The following MATR3 variants were observed in gnomAD, a reference collection of about 807,000 sequenced individuals.
The protein encoded by MATR3 is matrin 3.
Under a neutral mutation model 85.5 loss-of-function variants are expected in MATR3, and 4 were observed. That is an observed-to-expected ratio of 0.05 (90% CI 0.02 to 0.11). The LOEUF (loss-of-function observed/expected upper bound fraction) is 0.11. MATR3 is among the 10% of genes least tolerant of loss of function. MATR3 has a pLI of 1.00. For missense variants in MATR3, 685 were observed against 1,016.1 expected (o/e 0.67, Z 4.43); for synonymous variants, 336 against 343.1 (o/e 0.98, Z 0.23).
Position 139,307,165 on chromosome 5 carries a change from A to T in MATR3, c.-177-74A>T. Reference sequence around the variant, plus strand: ...TTTTTTTTTTAAATCAACATGATGCATAAGTTTTTTTTTCTTAAAAAAACG... The same window carrying T: ...TTTTTTTTTTAAATCAACATGATGCTTAAGTTTTTTTTTCTTAAAAAAACG... On this transcript the variant is annotated intron_variant, in intron 1 of 14. Coordinates refer to ENST00000394805, the MANE Select transcript of MATR3 (RefSeq NM_018834.6). This position sits in a 1 kb window ranked among gnomAD's most constrained non-coding sequence, Gnocchi z 4.4. 1 of 1,084,886 alleles carries T rather than the reference A, an allele frequency of 9.2e-7. No homozygotes were observed. Among genetic ancestry groups the T allele is most frequent in the Non-Finnish European group, 1.2e-6 (1 of 869,118 alleles). 67.2% of individuals were successfully genotyped at this position (1,084,886 alleles called of 1,614,324 possible).
chr5:139,319,378 G>C lies in MATR3; in HGVS notation c.1479G>C (p.Glu493Asp). The C allele has an allele frequency of 1.2e-6, 2 of 1,614,156 alleles. No individual in the cohort carries two copies. The highest frequency in any genetic ancestry group is 8.5e-7 in the Non-Finnish European group (1 of 1,180,028). Residue 493 changes from glutamate (E) to aspartate (D), a missense_variant, in exon 9 of 15, where the codon GAG becomes GAC. Physicochemically the swap from Glu to Asp is conservative, Grantham distance 45. Around this residue, in one of 9 missense-constraint regions of MATR3, gnomAD observed 30 missense variants for 23.9 expected, o/e 1.25. Coordinates refer to ENST00000394805, the MANE Select transcript of MATR3 (RefSeq NM_018834.6). ...KPDQKFDQKQ[E>D]LGRVIHLSNL... is the part of the protein sequence containing the mutation. ...ATCAGAAGTTTGATCAAAAGCAAGA[G>C]CTTGGACGTGTGATACATCTCAGCA...
At chr5:139,298,473 G>A (rs1288599575) in intron 1 of MATR3, among the ~76,000 whole-genome samples, 1 of 152,204 alleles carries the variant, frequency 6.6e-6, no homozygotes, top group Non-Finnish European at 1.5e-5. Context: ...TGGAGACGCT[G>A]AAGCAGAATT....
intron 2 of MATR3, chr5:139,278,704 A>G (rs1016723720): frequency 2.2e-6 from 1 of 461,212 alleles, no homozygotes; most frequent in African/African-American, 2.0e-5. Flanking sequence ...TTTGCAGTCA[A>G]TATTCAACTG....
At chr5:139,294,201 G>A (rs549735583) in intron 1 of MATR3, 2 of 541,166 alleles carry the variant, frequency 3.7e-6, no homozygotes, top group African/African-American at 3.9e-5. Context: ...GAGGGGGAGG[G>A]AGGAGCTCGC....
At chr5:139,290,018 A>G (rs1318711269), upstream of MATR3, among the ~76,000 whole-genome samples, 1 of 152,156 alleles carries the variant, frequency 6.6e-6, no homozygotes, top group African/African-American at 2.4e-5. Flanking sequence ...TTTTCAAGGC[A>G]ACACAATTTC....
At chr5:139,306,120 A>G (rs931790912) in intron 1 of MATR3, among the ~76,000 whole-genome samples, 1 of 152,196 alleles carries the variant, frequency 6.6e-6, no homozygotes, top group African/African-American at 2.4e-5. Context: ...TGTGATTATA[A>G]AATTGTTTCA....
chr5:139,330,957 G>A lies in MATR3; in HGVS notation c.*1562G>A, dbSNP rs1756114910. ...AGGCTCATGCCACTATACCTGGCTA[G>A]TTTTTGGTTTTTTTGTATAGATGGG... On this transcript the variant is annotated 3_prime_UTR_variant, in exon 15 of 15. Transcript: ENST00000394805. 2.2e-6 allele frequency: 1 copy of A among 453,906 alleles called. No individual in the cohort carries two copies. Among genetic ancestry groups the A allele is most frequent in the Non-Finnish European group, 4.4e-6 (1 of 226,772 alleles). 28.1% of individuals were successfully genotyped at this position (453,906 alleles called of 1,614,324 possible). A position where few individuals can be genotyped will look rare whatever the true frequency, so the allele number is the denominator to read the frequency against.
chr5:139,300,130 C>G (rs1393054559), intron 1 of MATR3, among the ~76,000 whole-genome samples: 1 of 152,186 alleles, frequency 6.6e-6, no homozygotes, highest in East Asian at 1.9e-4. Context: ...TTTGGGAGGC[C>G]AAGGTGGGTG....
intron 7 of MATR3, among the ~76,000 whole-genome samples, chr5:139,318,259 A>G (rs984859702): frequency 4.6e-5 from 7 of 151,536 alleles, no homozygotes; most frequent in African/African-American, 1.7e-4. Flanking sequence ...TCAGCCTCCC[A>G]AGTAGCTGGG....
At chr5:139,285,989 C>T (rs1753688757) in intron 3 of MATR3, among the ~76,000 whole-genome samples, 1 of 152,046 alleles carries the variant, frequency 6.6e-6, no homozygotes, top group Non-Finnish European at 1.5e-5. Context: ...GGAAACTTCC[C>T]CAATCTAGAG....
chr5:139,325,809 CTTAA>C (rs1162180696), intron 13 of MATR3, 147 bp downstream of exon 13: 5 of 723,842 alleles, frequency 6.9e-6, no homozygotes, highest in African/African-American at 5.4e-5. Context: ...ATTTATAAAT[CTTAA>C]TTGATATATT....
In MATR3 at chr5:139,319,511, A is replaced by G. The variant is rs747323996; in HGVS notation, c.1602+10A>G. On this transcript the variant is annotated intron_variant, in intron 9 of 14. Coordinates refer to ENST00000394805, the MANE Select transcript of MATR3 (RefSeq NM_018834.6). The stretch of plus-strand genomic sequence containing the variant: ...GAGGATGAAAAGTCAGGTAATATAC[A>G]TAAGGAAGTTTTAGAGAAGATAATT... The G allele has an allele frequency of 1.9e-6, 3 of 1,600,168 alleles. No individual in the cohort carries two copies. The highest frequency in any genetic ancestry group is 4.5e-5 in the East Asian group (2 of 44,814).
In MATR3 at chr5:139,322,476, G is replaced by T. The variant is rs372800555; in HGVS notation, c.1748G>T (p.Gly583Val). 1 of 1,613,932 alleles carries T rather than the reference G, an allele frequency of 6.2e-7. No individual in the cohort carries two copies. The highest frequency in any genetic ancestry group is 8.5e-7 in the Non-Finnish European group (1 of 1,179,914). The change falls in exon 11 of 15, where the codon GGC becomes GTC. Residue 583 changes from glycine to valine, a missense_variant. Physicochemically the swap from Gly to Val is moderately radical, Grantham distance 109. Coordinates refer to ENST00000394805, the MANE Select transcript of MATR3 (RefSeq NM_018834.6). Reference sequence around the variant, plus strand: ...TTTGTCTTTTAGATTCCAAACAGAGGCATTGATTTACTGAAAAAAGATAAA... The same window carrying T: ...TTTGTCTTTTAGATTCCAAACAGAGTCATTGATTTACTGAAAAAAGATAAA... ...KKLVLRIPNR[G>V]IDLLKKDKSR...
intron 14 of MATR3, 149 bp from the exon 15 acceptor site, chr5:139,329,196 C>T (rs1756006306): frequency 4.7e-6 from 3 of 634,630 alleles, no homozygotes; most frequent in Non-Finnish European, 8.6e-6. Context: ...TTTTTGTGTG[C>T]TAATGAGGAT....
chr5:139,274,735 G>GAAGAAC (rs1199733445), intron 1 of MATR3, among the ~76,000 whole-genome samples: 1 of 151,932 alleles, frequency 6.6e-6, no homozygotes, highest in African/African-American at 2.4e-5. Flanking sequence ...AAGAGAAGAA[G>GAAGAAC]ACCATCCTGG....
intron 14 of MATR3, 107 bp downstream of exon 14, chr5:139,326,391 G>C (rs2152024790): frequency 9.9e-7 from 1 of 1,008,364 alleles, no homozygotes; most frequent in East Asian, 2.5e-5. Flanking sequence ...ACTCAGTGCA[G>C]TGCTTTCTCC....
intron 2 of MATR3, among the ~76,000 whole-genome samples, chr5:139,308,618 T>G (rs1391831581): frequency 6.6e-6 from 1 of 151,958 alleles, no homozygotes; most frequent in Non-Finnish European, 1.5e-5. Context: ...TTTAAGCAGG[T>G]TTTTTTTGTC....
Position 139,330,522 on chromosome 5 carries a change from A to G in MATR3, c.*1127A>G. 2.2e-6 allele frequency: 1 copy of G among 454,150 alleles called. No individual in the cohort carries two copies. Among genetic ancestry groups the G allele is most frequent in the Non-Finnish European group, 4.4e-6 (1 of 226,798 alleles). The allele number at this position is 454,150 out of a possible 1,614,324, so 28.1% of individuals were successfully genotyped here. The stretch of plus-strand genomic sequence containing the variant: ...ATTTATTACTTTTAAATCTAGAGTG[A>G]ATTCTAAAGACTGCCGCTAAAGATC... On this transcript the variant is annotated 3_prime_UTR_variant, in exon 15 of 15. Coordinates refer to ENST00000394805, the MANE Select transcript of MATR3 (RefSeq NM_018834.6).
intron 2 of MATR3, chr5:139,312,704 T>G (rs944884225): frequency 6.6e-6 from 1 of 152,214 alleles, no homozygotes; most frequent in Non-Finnish European, 1.5e-5. Flanking sequence ...CAGACTGGAG[T>G]GCAATGGTGT....
Sources: allele counts gnomAD v4.1 joint callset (sites outside exome capture counted in the v4.1 genomes callset), GRCh38; gene constraint gnomAD v4.1.1; regional missense constraint gnomAD v4.1.1; non-coding constraint Gnocchi (gnomAD v3.1); transcripts MANE v1.5; gene names NCBI Gene and HGNC (gene_info 2026-07-23, HGNC 2026-07-21).